The following SAMHD1 variants were observed in gnomAD, a reference collection of about 807,000 sequenced individuals.
The protein encoded by SAMHD1 is SAM and HD domain containing deoxynucleoside triphosphate triphosphohydrolase 1, also known as deoxynucleoside triphosphate triphosphohydrolase SAMHD1.
In SAMHD1, 54 loss-of-function variants were observed where a neutral mutation model predicts 79.6. The observed-to-expected ratio is 0.68, with a 90% CI of 0.55 to 0.85. The LOEUF (loss-of-function observed/expected upper bound fraction) is 0.85. Ranked by LOEUF, SAMHD1 falls within the 40% of genes least tolerant of loss-of-function variation. SAMHD1 has a pLI of 0.00. For missense variants in SAMHD1, 663 were observed against 782.7 expected (o/e 0.85, Z 1.82); for synonymous variants, 260 against 264.1 (o/e 0.98, Z 0.15).
Position 36,892,838 on chromosome 20 carries a change from G to T in SAMHD1, c.*94C>A. On this transcript the variant is annotated 3_prime_UTR_variant, in exon 16 of 16. Coordinates refer to ENST00000646673, the MANE Select transcript of SAMHD1 (RefSeq NM_015474.4). ...TGTACATTCAAAATACAAAATTAAA[G>T]CATGAGTTGTCATTAATTTGCAGAA... The T allele has an allele frequency of 6.7e-7, 1 of 1,497,948 alleles. No individual in the cohort carries two copies. Among genetic ancestry groups the T allele is most frequent in the Non-Finnish European group, 9.3e-7 (1 of 1,074,192 alleles). The allele number at this position is 1,497,948 out of a possible 1,614,324, so 92.8% of individuals were successfully genotyped here. A position where few individuals can be genotyped will look rare whatever the true frequency, so the allele number is the denominator to read the frequency against.
At chr20:36,944,615 C>G (rs2063672205) in intron 2 of SAMHD1, among the ~76,000 whole-genome samples, 1 of 152,316 alleles carries the variant, frequency 6.6e-6, no homozygotes, top group South Asian at 2.1e-4. Context: ...GTATTTAAGG[C>G]CGGTCGCAGT....
Position 36,892,733 on chromosome 20 carries a change from T to C in SAMHD1, c.*199A>G. The C allele has an allele frequency of 2.9e-6, 2 of 685,318 alleles. No individual in the cohort carries two copies. Among genetic ancestry groups the C allele is most frequent in the Non-Finnish European group, 5.2e-6 (2 of 381,736 alleles). 42.5% of individuals were successfully genotyped at this position (685,318 alleles called of 1,614,324 possible). ...TTAATAATATTAAAAATAGGCAAGG[T>C]AATGCTTTTCATAGTATAGTAAGAT... On this transcript the variant is annotated 3_prime_UTR_variant, in exon 16 of 16. Transcript: ENST00000646673.
At chr20:36,937,584 C>A (rs1172651228) in intron 3 of SAMHD1, among the ~76,000 whole-genome samples, 2 of 152,100 alleles carry the variant, frequency 1.3e-5, no homozygotes, top group East Asian at 3.9e-4. Context: ...GTCTTGCATA[C>A]TAAAAATGAG....
chr20:36,902,695 G>C (rs971526626), intron 13 of SAMHD1, among the ~76,000 whole-genome samples: 1 of 151,972 alleles, frequency 6.6e-6, no homozygotes, highest in African/African-American at 2.4e-5. Context: ...GAGAGTTGAG[G>C]GTAACTGCAG....
intron 12 of SAMHD1, chr20:36,905,158 C>A: frequency 3.4e-6 from 2 of 584,668 alleles, no homozygotes; most frequent in Non-Finnish European, 6.0e-6. Flanking sequence ...GCTAAATATG[C>A]TTTCATGAGC....
At chr20:36,893,208 A>G (rs1990123385) in intron 15 of SAMHD1, 142 bp from the exon 16 acceptor site, 2 of 1,001,354 alleles carry the variant, frequency 2.0e-6, no homozygotes, top group Non-Finnish European at 3.0e-6. Flanking sequence ...GAAACTCCAA[A>G]TTACATATGC....
intron 1 of SAMHD1, among the ~76,000 whole-genome samples, chr20:36,951,095 TCTA>T (rs1418332781): frequency 2.6e-5 from 4 of 152,216 alleles, no homozygotes. Flanking sequence ...GAGATCCCAA[TCTA>T]CGACTGCCCC....
At chr20:36,935,987 T>C (rs1280570200) in intron 3 of SAMHD1, among the ~76,000 whole-genome samples, 1 of 151,824 alleles carries the variant, frequency 6.6e-6, no homozygotes. Flanking sequence ...AGATAAGAAA[T>C]CATGCAGGTC....
intron 15 of SAMHD1, among the ~76,000 whole-genome samples, chr20:36,897,138 T>C (rs1160396076): frequency 1.3e-5 from 2 of 152,234 alleles, no homozygotes; most frequent in African/African-American, 4.8e-5. Flanking sequence ...TGAGCTACGC[T>C]TTCATGTCTC....
chr20:36,929,281 G>A (rs1306434927), intron 5 of SAMHD1, among the ~76,000 whole-genome samples: 3 of 151,950 alleles, frequency 2.0e-5, no homozygotes, highest in South Asian at 2.1e-4. Flanking sequence ...AAGTCTCCGG[G>A]GGACATAAAA....
intron 15 of SAMHD1, among the ~76,000 whole-genome samples, chr20:36,894,637 C>T (rs1362046400): frequency 1.3e-5 from 2 of 151,540 alleles, no homozygotes; most frequent in Admixed American, 6.6e-5. Flanking sequence ...CATGGTGGCA[C>T]GTGCCTGTAG....
chr20:36,933,683 G>T (rs1354272883), intron 4 of SAMHD1, among the ~76,000 whole-genome samples: 1 of 151,934 alleles, frequency 6.6e-6, no homozygotes, highest in Non-Finnish European at 1.5e-5. Flanking sequence ...TAGAGACGGG[G>T]TTTCACCATG....
chr20:36,903,886 T>TA (rs1025443458), intron 13 of SAMHD1: 33 of 314,282 alleles, frequency 1.1e-4, no homozygotes, highest in East Asian at 2.2e-4. Flanking sequence ...ATGCAGGCAA[T>TA]AAAAAAAATT....
At chr20:36,925,612 T>C (rs2063531770) in intron 6 of SAMHD1, among the ~76,000 whole-genome samples, 1 of 152,222 alleles carries the variant, frequency 6.6e-6, no homozygotes, top group Admixed American at 6.5e-5. Context: ...TACCTAACCA[T>C]ATATATACAT....
intron 6 of SAMHD1, among the ~76,000 whole-genome samples, chr20:36,924,701 G>A (rs144185381): frequency 6.6e-6 from 1 of 152,056 alleles, no homozygotes; most frequent in East Asian, 1.9e-4. Context: ...AATGTAAAGG[G>A]GCTCATATTT....
chr20:36,947,591 T>TGTGG (rs1568786315), intron 1 of SAMHD1, among the ~76,000 whole-genome samples: 1 of 146,928 alleles, frequency 6.8e-6, no homozygotes, highest in Non-Finnish European at 1.5e-5. Context: ...TGTGTGTGTG[T>TGTGG]TGTTGGGTTT....
In SAMHD1 at chr20:36,927,255, TA is replaced by T; in HGVS notation, c.626-4del. 6.2e-7 allele frequency: 1 copy of T among 1,610,828 alleles called. No individual in the cohort carries two copies. Among genetic ancestry groups the T allele is most frequent in the Non-Finnish European group, 8.5e-7 (1 of 1,178,408 alleles). ...CATGTGAGAAAATGGCCCATGACCT[TA>T]AAAACAAAAGCAGCCTTAGAACAAG... On this transcript the variant is annotated splice_region_variant and splice_polypyrimidine_tract_variant and intron_variant, in intron 5 of 15. Coordinates refer to ENST00000646673, the MANE Select transcript of SAMHD1 (RefSeq NM_015474.4).
chr20:36,923,890 G>A (rs2146124270), intron 6 of SAMHD1, among the ~76,000 whole-genome samples: 1 of 152,312 alleles, frequency 6.6e-6, no homozygotes, highest in Middle Eastern at 3.4e-3. Context: ...GGCCAAGGTT[G>A]AGGACACATT....
At chr20:36,914,680 T>C (rs890581231) in intron 9 of SAMHD1, among the ~76,000 whole-genome samples, 1 of 151,688 alleles carries the variant, frequency 6.6e-6, no homozygotes, top group East Asian at 2.0e-4. Context: ...ATTTTCTTAA[T>C]AACATTTTCT....
Sources: gnomAD v4.1 joint callset for allele counts (sites outside exome capture counted in the v4.1 genomes callset) on GRCh38, gnomAD v4.1.1 for gene constraint, MANE v1.5 for transcripts, NCBI Gene and HGNC (gene_info 2026-07-23, HGNC 2026-07-21) for gene names.